Variants in SAMMSON observed in about 807,000 individuals in gnomAD.
SAMMSON encodes long intergenic non-protein coding RNA 1212.
intron 7 of SAMMSON, among the ~76,000 whole-genome samples, chr3:70,320,709 C>T (rs1409690149): frequency 6.6e-6 from 1 of 152,064 alleles, no homozygotes; most frequent in East Asian, 1.9e-4. Context: ...CAGACTGTGT[C>T]CGAAATGGGT....
intron 4 of SAMMSON, among the ~76,000 whole-genome samples, chr3:70,224,008 C>T (rs961887723): frequency 6.6e-6 from 1 of 152,020 alleles, no homozygotes; most frequent in Non-Finnish European, 1.5e-5. Context: ...ACTGCAGTAT[C>T]TACAGTCTTT....
At chr3:70,025,024 C>T (rs942666500) in intron 3 of SAMMSON, 1 of 151,744 alleles carries the variant, frequency 6.6e-6, no homozygotes, top group Non-Finnish European at 1.5e-5. Flanking sequence ...CCTTGAGCTT[C>T]CTGTAGATAA....
chr3:70,018,205 A>G (rs1393923725), intron 3 of SAMMSON, among the ~76,000 whole-genome samples: 1 of 152,090 alleles, frequency 6.6e-6, no homozygotes, highest in African/African-American at 2.4e-5. Flanking sequence ...CTGTGAATCC[A>G]TCTGGTTCTG....
At chr3:70,416,979 C>G (rs904740495) in intron 2 of SAMMSON, among the ~76,000 whole-genome samples, 6 of 152,004 alleles carry the variant, frequency 3.9e-5, no homozygotes, top group Non-Finnish European at 8.8e-5. Flanking sequence ...GGCATAGACT[C>G]TACCCTCTTC....
At chr3:70,033,970 T>G (rs1030923180) in intron 3 of SAMMSON, among the ~76,000 whole-genome samples, 1 of 152,038 alleles carries the variant, frequency 6.6e-6, no homozygotes, top group Non-Finnish European at 1.5e-5. Context: ...TCTGGAAGAC[T>G]CCTATGAGCT....
chr3:70,043,643 G>A (rs896168250), intron 3 of SAMMSON, among the ~76,000 whole-genome samples: 7 of 152,024 alleles, frequency 4.6e-5, no homozygotes, highest in African/African-American at 1.4e-4. Context: ...ACCTGGGGTA[G>A]TTTTTAATTT....
At chr3:70,185,254 A>T (rs983455717) in intron 4 of SAMMSON, among the ~76,000 whole-genome samples, 2 of 152,204 alleles carry the variant, frequency 1.3e-5, no homozygotes, top group South Asian at 4.1e-4. Flanking sequence ...GAGAAACCAT[A>T]TAAAAATTTC....
intron 4 of SAMMSON, among the ~76,000 whole-genome samples, chr3:70,233,053 G>T (rs1701575908): frequency 6.6e-6 from 1 of 152,302 alleles, no homozygotes; most frequent in East Asian, 1.9e-4. Context: ...GCCGGACATG[G>T]TGGCATGCGC....
chr3:70,225,729 T>C (rs1243528778), intron 4 of SAMMSON, among the ~76,000 whole-genome samples: 1 of 152,210 alleles, frequency 6.6e-6, no homozygotes, highest in Non-Finnish European at 1.5e-5. Context: ...AGTAGAACGA[T>C]AGTTTGGTGA....
At chr3:70,351,907 C>G (rs1171567178) in intron 7 of SAMMSON, among the ~76,000 whole-genome samples, 1 of 151,744 alleles carries the variant, frequency 6.6e-6, no homozygotes, top group Admixed American at 6.6e-5. Context: ...TTTAGTCACC[C>G]CAACTGAATT....
In SAMMSON at chr3:70,141,844, C is replaced by G. The variant is rs560948612; in HGVS notation, n.507+70279C>G. Among the ~76,000 whole-genome samples, 15 of 152,188 alleles carry G rather than the reference C, an allele frequency of 9.9e-5. No individual in the cohort carries two copies. The South Asian group carries it at 2.9e-3, about 29-fold the overall frequency. On this transcript the variant is annotated intron_variant and non_coding_transcript_variant, in intron 4 of 9. Transcript: ENST00000642114. Reference sequence around the variant, plus strand: ...ATAGAGCCAGGACACAGGATAAGTTCTGCATTAGAGTAAGATGTCCTTCCT... The same window carrying G: ...ATAGAGCCAGGACACAGGATAAGTTGTGCATTAGAGTAAGATGTCCTTCCT...
At chr3:70,211,321 T>TG in intron 4 of SAMMSON, among the ~76,000 whole-genome samples, 1 of 72,462 alleles carries the variant, frequency 1.4e-5, no homozygotes. Flanking sequence ...CCCTTCCCTT[T>TG]CCTTCCTTTC....
intron 6 of SAMMSON, among the ~76,000 whole-genome samples, chr3:70,261,378 T>A (rs766332172): frequency 1.3e-5 from 2 of 152,226 alleles, no homozygotes; most frequent in Admixed American, 6.5e-5. Flanking sequence ...AACATGCATA[T>A]GTTTAATCTG....
intron 4 of SAMMSON, among the ~76,000 whole-genome samples, chr3:70,201,571 A>G (rs1478756218): frequency 6.6e-6 from 1 of 152,166 alleles, no homozygotes; most frequent in Admixed American, 6.5e-5. Context: ...CTGTTTATGG[A>G]TGAGGAAACT....
chr3:70,274,838 C>T (rs1702007157), intron 6 of SAMMSON, among the ~76,000 whole-genome samples: 1 of 152,146 alleles, frequency 6.6e-6, no homozygotes, highest in African/African-American at 2.4e-5. Flanking sequence ...CTAGATATTG[C>T]TAGTGATGTA....
intron 6 of SAMMSON, among the ~76,000 whole-genome samples, chr3:70,256,521 T>C (rs766102003): frequency 2.0e-4 from 30 of 152,338 alleles, no homozygotes; most frequent in Admixed American, 3.9e-4. Context: ...TTAAGTGCCA[T>C]GTATTGAAAC....
intron 9 of SAMMSON, among the ~76,000 whole-genome samples, chr3:70,369,048 A>G (rs1702943627): frequency 6.6e-6 from 1 of 151,614 alleles, no homozygotes; most frequent in Admixed American, 6.6e-5. Flanking sequence ...TTTTCTATAC[A>G]CAGACTTGTA....
chr3:70,092,042 A>G lies in SAMMSON; in HGVS notation n.507+20477A>G, dbSNP rs76063997. 9.4e-3 allele frequency among the ~76,000 whole-genome samples: 1,431 copies of G among 152,242 alleles called. 15 individuals are homozygous for G. Among genetic ancestry groups the G allele is most frequent in the African/African-American group, 0.032 (1,342 of 41,532 alleles). ...CTGAAACCACTAATATCCAAGAGGC[A>G]TCTAGGAATAAGGAAGCGAAGATCT... On this transcript the variant is annotated intron_variant and non_coding_transcript_variant, in intron 4 of 9. Coordinates refer to ENST00000642114, the Ensembl canonical transcript of SAMMSON.
intron 3 of SAMMSON, among the ~76,000 whole-genome samples, chr3:70,034,119 A>G (rs1217271724): frequency 6.6e-6 from 1 of 152,134 alleles, no homozygotes; most frequent in Admixed American, 6.6e-5. Flanking sequence ...CTGAGAATAA[A>G]TGGTGAAGGG....
Sources: gnomAD v4.1 joint callset for allele counts (sites outside exome capture counted in the v4.1 genomes callset) on GRCh38, gnomAD v4.1.1 for gene constraint, MANE v1.5 for transcripts, NCBI Gene and HGNC (gene_info 2026-07-23, HGNC 2026-07-21) for gene names.